Variants in LSAMP observed in about 807,000 individuals in gnomAD.
LSAMP encodes the protein limbic system-associated membrane protein.
Under a neutral mutation model 38.6 loss-of-function variants are expected in LSAMP, and 7 were observed. The observed-to-expected ratio is 0.18, with a 90% CI of 0.10 to 0.34. The LOEUF (loss-of-function observed/expected upper bound fraction) is 0.34, where lower values mean the gene tolerates loss of function less well. Among genes scored for constraint, LSAMP ranks in the 10% least tolerant of loss-of-function variants. The pLI, the probability that LSAMP is intolerant of heterozygous loss-of-function variation, is 1.00. For synonymous variants in LSAMP, 154 were observed against 166.8 expected, an observed-to-expected ratio of 0.92 and a Z score of 0.59; for missense variants, 313 against 420.0, an observed-to-expected ratio of 0.75 and a Z score of 2.23.
intron 3 of LSAMP, among the ~76,000 whole-genome samples, chr3:115,952,354 G>A (rs1258048529): frequency 6.6e-6 from 1 of 151,970 alleles, no homozygotes; most frequent in Non-Finnish European, 1.5e-5. Flanking sequence ...AAGAAAATGT[G>A]GTATACAAAC....
At chr3:115,938,316 T>C (rs769745667) in intron 3 of LSAMP, among the ~76,000 whole-genome samples, 5 of 152,198 alleles carry the variant, frequency 3.3e-5, no homozygotes, top group Admixed American at 2.0e-4. Context: ...TTTGCCTACA[T>C]TGAAATAATG....
intron 1 of LSAMP, among the ~76,000 whole-genome samples, chr3:116,399,059 T>G (rs2048806610): frequency 6.6e-6 from 1 of 152,184 alleles, no homozygotes; most frequent in South Asian, 2.1e-4. Flanking sequence ...TCAGTGTGAT[T>G]ACATTTCAAA....
chr3:116,312,282 C>T (rs919956528), intron 1 of LSAMP, among the ~76,000 whole-genome samples: 2 of 152,108 alleles, frequency 1.3e-5, no homozygotes, highest in Admixed American at 6.5e-5. Context: ...GCAGGTGAAT[C>T]GGACAAAAAG....
intron 1 of LSAMP, among the ~76,000 whole-genome samples, chr3:116,117,245 G>T (rs1216112492): frequency 6.6e-6 from 1 of 152,122 alleles, no homozygotes; most frequent in Non-Finnish European, 1.5e-5. Flanking sequence ...CTTGGCTAAA[G>T]GCTCCACTGC....
intron 6 of LSAMP, 179 bp downstream of exon 6, chr3:115,841,666 G>T (rs1935000194): frequency 3.7e-6 from 2 of 535,292 alleles, no homozygotes; most frequent in African/African-American, 3.8e-5. Context: ...GAGAGAAGTT[G>T]TTCCATTTAT....
At chr3:116,038,268 A>G (rs1941092370) in intron 2 of LSAMP, among the ~76,000 whole-genome samples, 3 of 152,194 alleles carry the variant, frequency 2.0e-5, no homozygotes, top group African/African-American at 7.2e-5. Context: ...TGTGAAATAC[A>G]TGATGTCTGG....
At chr3:116,393,893 T>G (rs759647382) in intron 1 of LSAMP, among the ~76,000 whole-genome samples, 5 of 152,206 alleles carry the variant, frequency 3.3e-5, no homozygotes, top group Non-Finnish European at 7.3e-5. Context: ...ATTATATATT[T>G]ACACTATGTT....
intron 3 of LSAMP, among the ~76,000 whole-genome samples, chr3:115,949,545 T>C (rs1938214874): frequency 1.3e-5 from 2 of 151,894 alleles, no homozygotes; most frequent in South Asian, 4.2e-4. Context: ...ATAGAAACTC[T>C]GAACAGACAA....
chr3:116,409,869 A>G (rs2048948113), intron 1 of LSAMP, among the ~76,000 whole-genome samples: 1 of 152,108 alleles, frequency 6.6e-6, no homozygotes, highest in African/African-American at 2.4e-5. Flanking sequence ...TTACGGAGGC[A>G]TGCTGAAGGA....
chr3:116,304,643 T>C (rs574709504), intron 1 of LSAMP, among the ~76,000 whole-genome samples: 1 of 152,200 alleles, frequency 6.6e-6, no homozygotes, highest in East Asian at 1.9e-4. Flanking sequence ...CAGATGTATA[T>C]TTGACTTTCC....
intron 1 of LSAMP, among the ~76,000 whole-genome samples, chr3:116,408,611 C>G (rs540875495): frequency 1.3e-5 from 2 of 152,082 alleles, no homozygotes; most frequent in Admixed American, 1.3e-4. Context: ...GCATGTAATC[C>G]TCATAGCCAC....
chr3:116,311,550 G>C (rs867612277), intron 1 of LSAMP, among the ~76,000 whole-genome samples: 1 of 152,174 alleles, frequency 6.6e-6, no homozygotes, highest in Middle Eastern at 3.4e-3. Context: ...ATTCCTTTAT[G>C]TATCTGTGTT....
intron 1 of LSAMP, among the ~76,000 whole-genome samples, chr3:116,350,745 C>T (rs1285257828): frequency 6.6e-6 from 1 of 151,708 alleles, no homozygotes; most frequent in Non-Finnish European, 1.5e-5. Flanking sequence ...AAGTTCTTTA[C>T]TTAATAAGAG....
At chr3:116,336,676 T>C (rs573579701) in intron 1 of LSAMP, among the ~76,000 whole-genome samples, 3 of 152,028 alleles carry the variant, frequency 2.0e-5, no homozygotes, top group African/African-American at 7.2e-5. Context: ...ATTGGAACCC[T>C]TGGGTACTGT....
chr3:116,226,156 G>A lies in LSAMP; in HGVS notation c.156-139600C>T, dbSNP rs115757721. On this transcript the variant is annotated intron_variant, in intron 1 of 6. Coordinates refer to ENST00000490035, the MANE Select transcript of LSAMP (RefSeq NM_002338.5). ...AACTTGGTAAGCTGCTATACAAAAC[G>A]GTAACCATGATTTCCTTACCCCCCA... Among the ~76,000 whole-genome samples, 1,002 of 152,132 alleles carry A rather than the reference G, an allele frequency of 6.6e-3. 12 individuals carry two copies. The highest frequency in any genetic ancestry group is 0.023 in the African/African-American group (953 of 41,494).
intron 2 of LSAMP, among the ~76,000 whole-genome samples, chr3:116,029,397 G>A (rs1940867246): frequency 6.6e-6 from 1 of 152,108 alleles, no homozygotes; most frequent in Non-Finnish European, 1.5e-5. Context: ...GCTTCTTTGA[G>A]TGTCAGGTGA....
chr3:116,074,844 C>CTTTTTTTT (rs1161460100), intron 2 of LSAMP, among the ~76,000 whole-genome samples: 1 of 128,410 alleles, frequency 7.8e-6, no homozygotes, highest in African/African-American at 3.1e-5. Context: ...TTTCTTTATT[C>CTTTTTTTT]TTTTTTTTTT....
At chr3:116,286,282 T>A (rs78354404) in intron 1 of LSAMP, among the ~76,000 whole-genome samples, 1,544 of 152,296 alleles carry the variant, frequency 0.01, 19 homozygotes, top group African/African-American at 0.034. Context: ...TATGTGCAAA[T>A]GTTGAACTAA....
In LSAMP at chr3:116,222,720, C is replaced by CTTTTTTTTTTTT. The variant is rs71141863; in HGVS notation, c.156-136176_156-136165dup. Reference sequence around the variant, plus strand: ...TTTTTTGCTCACCTTTCATCCTCTCCTTTTTTTTTTTTTTTTTTTTTTTTT... The same window carrying CTTTTTTTTTTTT: ...TTTTTTGCTCACCTTTCATCCTCTCCTTTTTTTTTTTTTTTTTTTTTTTTTTTTTTTTTTTTT... On this transcript the variant is annotated intron_variant, in intron 1 of 6. Transcript: ENST00000490035. Among the ~76,000 whole-genome samples, 11 of 49,928 alleles carry CTTTTTTTTTTTT rather than the reference C, an allele frequency of 2.2e-4. 2 individuals carry two copies. The highest frequency in any genetic ancestry group is 8.7e-4 in the African/African-American group (10 of 11,528). 32.8% of individuals were successfully genotyped at this position (49,928 alleles called of 152,430 possible).
Sources: allele counts gnomAD v4.1 joint callset (sites outside exome capture counted in the v4.1 genomes callset), GRCh38; gene constraint gnomAD v4.1.1; transcripts MANE v1.5; gene names NCBI Gene and HGNC (gene_info 2026-07-23, HGNC 2026-07-21).